Variants in ZNF99 observed in about 807,000 individuals in gnomAD.
The protein encoded by ZNF99 is zinc finger protein 99.
Under a neutral mutation model 12.8 loss-of-function variants are expected in ZNF99, and 8 were observed. That is an observed-to-expected ratio of 0.62 (90% CI 0.37 to 1.13). The LOEUF is 1.13. Ranked by LOEUF, ZNF99 falls within the 50% of genes most tolerant of loss-of-function variation. ZNF99 has a pLI of 0.02. For synonymous variants in ZNF99, 318 were observed against 319.0 expected (o/e 1.00, Z 0.03); for missense variants, 1,007 against 1,006.2 (o/e 1.00, Z -0.01).
rs1180908397 is a variant in ZNF99 at position 22,762,561 on chromosome 19, A to C, written c.227-2879T>G. ...GCAGCAGAATTCTACCAGACATTCA[A>C]AGAAGAATTGATACCAATTCTATTG... On this transcript the variant is annotated intron_variant, in intron 3 of 3. Transcript: ENST00000596209. Among the ~76,000 whole-genome samples the C allele has an allele frequency of 2.6e-5, 4 of 152,184 alleles. No individual in the cohort carries two copies. The East Asian group carries it at 7.7e-4, about 29-fold the overall frequency.
intron 1 of ZNF99, among the ~76,000 whole-genome samples, chr19:22,772,455 G>C (rs192538993): frequency 2.9e-3 from 436 of 152,286 alleles, no homozygotes; most frequent in African/African-American, 8.8e-3. Flanking sequence ...GAGGCGGGCA[G>C]ATCACCTGAG....
At chr19:22,782,518 C>T (rs1973399378) in intron 1 of ZNF99, among the ~76,000 whole-genome samples, 1 of 151,710 alleles carries the variant, frequency 6.6e-6, no homozygotes, top group Non-Finnish European at 1.5e-5. Context: ...TGTGCCACCA[C>T]ACCTGGCTAA....
intron 1 of ZNF99, among the ~76,000 whole-genome samples, chr19:22,783,167 C>T (rs1303360024): frequency 6.6e-6 from 1 of 152,018 alleles, no homozygotes; most frequent in African/African-American, 2.4e-5. Context: ...GTAATCCCAG[C>T]TACTCGGGAG....
At chr19:22,763,577 G>T (rs1973172578) in intron 3 of ZNF99, among the ~76,000 whole-genome samples, 2 of 152,028 alleles carry the variant, frequency 1.3e-5, no homozygotes, top group African/African-American at 2.4e-5. Flanking sequence ...CAAATTAAAT[G>T]CAATTTCCAT....
intron 1 of ZNF99, among the ~76,000 whole-genome samples, chr19:22,781,503 T>C (rs936119701): frequency 1.3e-4 from 19 of 150,712 alleles, no homozygotes; most frequent in African/African-American, 3.4e-4. Flanking sequence ...TATTTCACTA[T>C]TGTTCTGCTC....
chr19:22,767,419 A>G (rs1973216773), intron 3 of ZNF99, among the ~76,000 whole-genome samples: 1 of 152,208 alleles, frequency 6.6e-6, no homozygotes, highest in African/African-American at 2.4e-5. Context: ...GAATTTAAAA[A>G]AATCTATATT....
At chr19:22,765,330 G>A (rs182431103) in intron 3 of ZNF99, among the ~76,000 whole-genome samples, 1 of 152,048 alleles carries the variant, frequency 6.6e-6, no homozygotes, top group African/African-American at 2.4e-5. Flanking sequence ...TGGGGACTTG[G>A]GGGGAAGAGT....
At chr19:22,767,368 A>G (rs562647749) in intron 3 of ZNF99, among the ~76,000 whole-genome samples, 2 of 152,326 alleles carry the variant, frequency 1.3e-5, no homozygotes, top group African/African-American at 4.8e-5. Flanking sequence ...TCTCTACAAG[A>G]GACCAATTTT....
chr19:22,765,223 T>G (rs1973191144), intron 3 of ZNF99, among the ~76,000 whole-genome samples: 1 of 152,176 alleles, frequency 6.6e-6, no homozygotes, highest in South Asian at 2.1e-4. Flanking sequence ...CTAAGTGAAG[T>G]AAATCAGAAA....
At chr19:22,766,182 T>C (rs1425872617) in intron 3 of ZNF99, among the ~76,000 whole-genome samples, 1 of 150,722 alleles carries the variant, frequency 6.6e-6, no homozygotes, top group Non-Finnish European at 1.5e-5. Flanking sequence ...ACTACAAAAA[T>C]TTTATAGAAA....
intron 2 of ZNF99, 127 bp downstream of exon 2, chr19:22,769,071 T>C (rs1426725654): frequency 2.3e-5 from 23 of 1,000,872 alleles, no homozygotes; most frequent in Non-Finnish European, 3.2e-5. Context: ...TTCAAATCCC[T>C]GTTTTCAGAA....
rs754081282 is a variant in ZNF99, at chr19:22,780,585, G to A, written c.3+3429C>T. ...ACATATCTGTAATCCCAGCTACTCGGGAGGCTGAGGCAGGAGAATCACTTG... is the reference window on the plus strand; with the variant it reads ...ACATATCTGTAATCCCAGCTACTCGAGAGGCTGAGGCAGGAGAATCACTTG... On this transcript the variant is annotated intron_variant, in intron 1 of 3. Transcript: ENST00000596209. 2.0e-5 allele frequency among the ~76,000 whole-genome samples: 3 copies of A among 152,124 alleles called. No homozygotes were observed. The East Asian group carries it at 5.8e-4, about 29-fold the overall frequency.
chr19:22,772,784 T>C (rs1158822171), intron 1 of ZNF99, among the ~76,000 whole-genome samples: 1 of 152,204 alleles, frequency 6.6e-6, no homozygotes, highest in Non-Finnish European at 1.5e-5. Context: ...AAAGTTTTTC[T>C]TTTTTCTCAA....
intron 1 of ZNF99, among the ~76,000 whole-genome samples, chr19:22,777,866 G>A (rs1385369013): frequency 1.3e-5 from 2 of 152,044 alleles, no homozygotes; most frequent in Non-Finnish European, 2.9e-5. Flanking sequence ...CCAGTGTCCA[G>A]TGGATATGCT....
chr19:22,763,904 CTT>C (rs965211065), intron 3 of ZNF99, among the ~76,000 whole-genome samples: 6,687 of 100,852 alleles, frequency 0.066, 181 homozygotes, highest in African/African-American at 0.23. Context: ...TTTTTCTTTC[CTT>C]TTTTTTTTTT....
At chr19:22,766,655 CTT>C (rs753101168) in intron 3 of ZNF99, among the ~76,000 whole-genome samples, 13 of 138,920 alleles carry the variant, frequency 9.4e-5, no homozygotes, top group Non-Finnish European at 9.4e-5. Context: ...TTTCTTATTT[CTT>C]TTTTTTTTTT....
chr19:22,773,510 C>T (rs1033775346), intron 1 of ZNF99, among the ~76,000 whole-genome samples: 3 of 152,194 alleles, frequency 2.0e-5, no homozygotes, highest in African/African-American at 7.2e-5. Context: ...ATTGAAAAGG[C>T]TAGCCATGTA....
At chr19:22,761,564 C>T (rs2145145912) in intron 3 of ZNF99, among the ~76,000 whole-genome samples, 1 of 152,258 alleles carries the variant, frequency 6.6e-6, no homozygotes, top group South Asian at 2.1e-4. Context: ...ACTCCACTGA[C>T]AGCACTAGAC....
intron 1 of ZNF99, chr19:22,773,807 A>C (rs1467865531): frequency 3.3e-5 from 5 of 152,240 alleles, no homozygotes; most frequent in Non-Finnish European, 1.5e-5. Context: ...GAAAGCTCAC[A>C]TCTTACATAA....
Sources: allele counts gnomAD v4.1 joint callset (sites outside exome capture counted in the v4.1 genomes callset), GRCh38; gene constraint gnomAD v4.1.1; transcripts MANE v1.5; gene names NCBI Gene and HGNC (gene_info 2026-07-23, HGNC 2026-07-21).